ADAM32: variants seen among roughly 807,000 people sequenced by gnomAD.
ADAM32 encodes the protein disintegrin and metalloproteinase domain-containing protein 32.
A neutral mutation model predicts 114.9 loss-of-function variants in ADAM32; 89 were observed. The ratio of observed to expected loss-of-function variants is 0.77; its 90% CI spans 0.65 to 0.92. ADAM32 has a LOEUF of 0.92. ADAM32 is among the 40% of genes least tolerant of loss of function. ADAM32 has a pLI of 0.00. For synonymous variants in ADAM32, 285 were observed against 307.5 expected (o/e 0.93, Z 0.77); for missense variants, 870 against 932.8 (o/e 0.93, Z 0.88).
chr8:39,221,473 T>C, intron 12 of ADAM32, 137 bp from the exon 13 acceptor site: 1 of 646,020 alleles, frequency 1.5e-6, no homozygotes, highest in Non-Finnish European at 2.6e-6. Flanking sequence ...TATTTAAAGA[T>C]GTTAAAACCT....
At chr8:39,133,126 T>A (rs1255934644) in intron 2 of ADAM32, among the ~76,000 whole-genome samples, 1 of 152,164 alleles carries the variant, frequency 6.6e-6, no homozygotes, top group African/African-American at 2.4e-5. Flanking sequence ...GTGTTGGAAG[T>A]GGGGCCTCAT....
At chr8:39,281,113 T>C (rs1813393468) in intron 22 of ADAM32, 23 bp from the exon 23 acceptor site, 1 of 1,209,444 alleles carries the variant, frequency 8.3e-7, no homozygotes. Context: ...ATTTAATATA[T>C]ATTGTTTTTA....
At chr8:39,243,915 AGATAAATGAATTCAGTAAAGTTTCAG>A in intron 16 of ADAM32, among the ~76,000 whole-genome samples, 1 of 152,304 alleles carries the variant, frequency 6.6e-6, no homozygotes, top group East Asian at 1.9e-4. Context: ...CTCCGAGATT[AGATAAATGAATTCAGTAAAGTTTCAG>A]GATACAAAAG....
intron 19 of ADAM32, among the ~76,000 whole-genome samples, chr8:39,270,073 C>G (rs1019208118): frequency 1.3e-5 from 2 of 152,186 alleles, no homozygotes; most frequent in Non-Finnish European, 2.9e-5. Flanking sequence ...TACCGTGATT[C>G]AATTACTTCC....
At chr8:39,248,329 T>G (rs1811065137) in intron 17 of ADAM32, among the ~76,000 whole-genome samples, 1 of 152,204 alleles carries the variant, frequency 6.6e-6, no homozygotes, top group East Asian at 1.9e-4. Context: ...TCACATGTAA[T>G]GTGTTTTCAT....
chr8:39,210,404 T>G, intron 11 of ADAM32, among the ~76,000 whole-genome samples: 1 of 152,214 alleles, frequency 6.6e-6, no homozygotes, highest in Non-Finnish European at 1.5e-5. Context: ...CCTCATTCTT[T>G]TAGCTCTTGT....
chr8:39,175,742 A>T (rs1805484320), intron 10 of ADAM32, among the ~76,000 whole-genome samples: 1 of 152,184 alleles, frequency 6.6e-6, no homozygotes, highest in Non-Finnish European at 1.5e-5. Context: ...GAATAGTTTC[A>T]TTAAAAATGG....
At chr8:39,117,178 G>A (rs149617119) in intron 1 of ADAM32, among the ~76,000 whole-genome samples, 3 of 152,284 alleles carry the variant, frequency 2.0e-5, no homozygotes, top group Middle Eastern at 3.4e-3. Context: ...CACCATGCCC[G>A]GCCCTGTTAA....
At chr8:39,217,742 A>G (rs1391245827) in intron 12 of ADAM32, among the ~76,000 whole-genome samples, 1 of 152,162 alleles carries the variant, frequency 6.6e-6, no homozygotes, top group Non-Finnish European at 1.5e-5. Context: ...TTTAAAATTT[A>G]TCTGATAGAA....
intron 11 of ADAM32, among the ~76,000 whole-genome samples, chr8:39,205,643 C>T (rs899013132): frequency 3.9e-5 from 6 of 152,148 alleles, no homozygotes; most frequent in Admixed American, 6.5e-5. Flanking sequence ...ACCAACTGTC[C>T]GACAAGCCCC....
chr8:39,268,691 C>G (rs1015893440), intron 19 of ADAM32, among the ~76,000 whole-genome samples: 3 of 152,096 alleles, frequency 2.0e-5, no homozygotes, highest in Non-Finnish European at 4.4e-5. Context: ...CAGATTTTCT[C>G]CTATGATTTC....
At chr8:39,178,345 T>C (rs1202088888) in intron 10 of ADAM32, among the ~76,000 whole-genome samples, 3 of 152,248 alleles carry the variant, frequency 2.0e-5, no homozygotes, top group African/African-American at 4.8e-5. Context: ...ATTTCTTGTG[T>C]TGTGTTTTTC....
intron 11 of ADAM32, among the ~76,000 whole-genome samples, chr8:39,200,875 T>C (rs1428927326): frequency 1.3e-5 from 2 of 152,238 alleles, no homozygotes; most frequent in East Asian, 1.9e-4. Flanking sequence ...ATTTATTAAA[T>C]AGGGAATCGT....
At chr8:39,283,677 T>A in intron 24 of ADAM32, 53 bp downstream of exon 24, 1 of 1,422,618 alleles carries the variant, frequency 7.0e-7, no homozygotes. Context: ...AAAATTAAAA[T>A]AAAACTCATA....
At chr8:39,117,810 T>A (rs547770574) in intron 1 of ADAM32, among the ~76,000 whole-genome samples, 1 of 152,126 alleles carries the variant, frequency 6.6e-6, no homozygotes, top group Non-Finnish European at 1.5e-5. Context: ...CAGGAAAAAG[T>A]TTTTGAAGTA....
rs147988397 is a variant in ADAM32 at position 39,147,272 on chromosome 8, A to T, written c.276+67A>T. Reference sequence around the variant, plus strand: ...TTTTACATTAAATAAATGCTTTATTATACAGAAGGCTCTCAAGATTCACAG... The same window carrying T: ...TTTTACATTAAATAAATGCTTTATTTTACAGAAGGCTCTCAAGATTCACAG... On this transcript the variant is annotated intron_variant, in intron 4 of 24. Coordinates refer to ENST00000379907, the MANE Select transcript of ADAM32 (RefSeq NM_145004.7). The T allele has an allele frequency of 4.5e-3, 2,898 of 641,992 alleles. 11 individuals carry two copies. The highest frequency in any genetic ancestry group is 5.6e-3 in the Non-Finnish European group (2,576 of 461,986). The allele number at this position is 641,992 out of a possible 1,614,324, so 39.8% of individuals were successfully genotyped here.
Position 39,109,417 on chromosome 8 carries a change from C to T in ADAM32, c.58+1584C>T, listed in dbSNP as rs547283396. Among the ~76,000 whole-genome samples the T allele has an allele frequency of 2.6e-5, 4 of 151,956 alleles. No homozygotes were observed. The South Asian group carries it at 6.2e-4, about 24-fold the overall frequency. On this transcript the variant is annotated intron_variant, in intron 1 of 24. Coordinates refer to ENST00000379907, the MANE Select transcript of ADAM32 (RefSeq NM_145004.7). ...AAAAAATTAGCTGGGCGTGGTGGTG[C>T]GTGCCTGTAATCCCAGCTACTCGGG...
intron 10 of ADAM32, among the ~76,000 whole-genome samples, chr8:39,181,125 C>T (rs186879276): frequency 6.6e-6 from 1 of 152,350 alleles, no homozygotes; most frequent in African/African-American, 2.4e-5. Flanking sequence ...GCAGTGGCAA[C>T]CCGCTTGGGT....
At chr8:39,114,244 TC>T (rs1407212657) in intron 1 of ADAM32, among the ~76,000 whole-genome samples, 1 of 152,134 alleles carries the variant, frequency 6.6e-6, no homozygotes, top group Non-Finnish European at 1.5e-5. Flanking sequence ...CTATTTCCCC[TC>T]CCCTGGGCAT....
Sources: allele counts gnomAD v4.1 joint callset (sites outside exome capture counted in the v4.1 genomes callset), GRCh38; gene constraint gnomAD v4.1.1; transcripts MANE v1.5; gene names NCBI Gene and HGNC (gene_info 2026-07-23, HGNC 2026-07-21).